SGMS1: variants seen among roughly 807,000 people sequenced by gnomAD.
SGMS1 encodes the protein phosphatidylcholine:ceramide cholinephosphotransferase 1.
A neutral mutation model predicts 46.2 loss-of-function variants in SGMS1; 13 were observed. That is an observed-to-expected ratio of 0.28 (90% CI 0.18 to 0.45). The LOEUF (loss-of-function observed/expected upper bound fraction) is 0.45. Ranked by LOEUF, SGMS1 falls within the 20% of genes least tolerant of loss-of-function variation. The pLI is 1.00. For missense variants in SGMS1, 324 were observed against 519.9 expected, an observed-to-expected ratio of 0.62 and a Z score of 3.66; for synonymous variants, 203 against 187.8, an observed-to-expected ratio of 1.08 and a Z score of -0.66.
intron 2 of SGMS1, among the ~76,000 whole-genome samples, chr10:50,547,489 C>A (rs1838111328): frequency 6.6e-6 from 1 of 152,092 alleles, no homozygotes; most frequent in Non-Finnish European, 1.5e-5. Flanking sequence ...CAAAACTTAA[C>A]CAGGAAGAAA....
chr10:50,403,600 C>T (rs775421364), intron 6 of SGMS1, among the ~76,000 whole-genome samples: 18 of 151,906 alleles, frequency 1.2e-4, no homozygotes, highest in Non-Finnish European at 1.2e-4. Flanking sequence ...TGAGCATTAT[C>T]TACAACTCCT....
chr10:50,399,797 G>A (rs1454927436), intron 6 of SGMS1, among the ~76,000 whole-genome samples: 1 of 152,086 alleles, frequency 6.6e-6, no homozygotes, highest in Non-Finnish European at 1.5e-5. Flanking sequence ...GGGAGGCCGA[G>A]GCAGGCGGAT....
At chr10:50,371,939 C>T (rs1329501107) in intron 6 of SGMS1, among the ~76,000 whole-genome samples, 1 of 152,140 alleles carries the variant, frequency 6.6e-6, no homozygotes, top group African/African-American at 2.4e-5. Flanking sequence ...CCTGTTTGAA[C>T]CACTTCTTAA....
intron 5 of SGMS1, among the ~76,000 whole-genome samples, chr10:50,455,810 G>A (rs775011681): frequency 6.2e-4 from 94 of 152,166 alleles, no homozygotes; most frequent in Non-Finnish European, 9.3e-4. Context: ...CCACATGAAC[G>A]AGAATATAGA....
chr10:50,473,876 A>G (rs1363950147), intron 3 of SGMS1: 1 of 152,254 alleles, frequency 6.6e-6, no homozygotes, highest in African/African-American at 2.4e-5. Context: ...AGAGCCATTC[A>G]GAAGCTGGCC....
At chr10:50,464,891 A>C (rs918082610) in intron 4 of SGMS1, among the ~76,000 whole-genome samples, 3 of 152,206 alleles carry the variant, frequency 2.0e-5, no homozygotes, top group Admixed American at 2.0e-4. Context: ...GGTAGAGCCA[A>C]ACAAACCATC....
chr10:50,484,798 A>T (rs1046223892), intron 3 of SGMS1, among the ~76,000 whole-genome samples: 1 of 152,230 alleles, frequency 6.6e-6, no homozygotes, highest in Non-Finnish European at 1.5e-5. Flanking sequence ...CAAAAACCAC[A>T]TGATTATATC....
intron 5 of SGMS1, among the ~76,000 whole-genome samples, chr10:50,453,831 G>A (rs1287856588): frequency 9.3e-5 from 2 of 21,538 alleles, no homozygotes; most frequent in Non-Finnish European, 2.2e-4. Flanking sequence ...GAGGGAGGGA[G>A]GGGAGAGGAG....
intron 2 of SGMS1, among the ~76,000 whole-genome samples, chr10:50,534,793 G>C (rs1162386407): frequency 1.3e-5 from 2 of 152,106 alleles, no homozygotes; most frequent in Non-Finnish European, 2.9e-5. Context: ...AAAAGAATAG[G>C]CAAAATACAC....
intron 2 of SGMS1, among the ~76,000 whole-genome samples, chr10:50,548,285 G>A (rs1838118323): frequency 6.6e-6 from 1 of 152,162 alleles, no homozygotes; most frequent in Non-Finnish European, 1.5e-5. Context: ...AAGGCTGGAG[G>A]CATCATGCTA....
At chr10:50,443,056 T>C (rs1235880780) in intron 5 of SGMS1, among the ~76,000 whole-genome samples, 1 of 152,198 alleles carries the variant, frequency 6.6e-6, no homozygotes, top group Non-Finnish European at 1.5e-5. Flanking sequence ...AAACAAGCCA[T>C]GTTTATCTCA....
At chr10:50,403,287 C>T (rs1265693260) in intron 6 of SGMS1, among the ~76,000 whole-genome samples, 6 of 152,066 alleles carry the variant, frequency 3.9e-5, no homozygotes, top group Admixed American at 6.5e-5. Flanking sequence ...GTACACGGTT[C>T]GCATGTTCAA....
At chr10:50,593,053 A>C (rs1308472275) in intron 1 of SGMS1, among the ~76,000 whole-genome samples, 1 of 151,242 alleles carries the variant, frequency 6.6e-6, no homozygotes, top group Non-Finnish European at 1.5e-5. Context: ...CAAAGACTCC[A>C]CCTTCCATCT....
intron 6 of SGMS1, among the ~76,000 whole-genome samples, chr10:50,348,299 G>C (rs976517876): frequency 1.3e-5 from 2 of 152,106 alleles, no homozygotes; most frequent in African/African-American, 4.8e-5. Context: ...CATAGTATTG[G>C]AGTCCTATAG....
intron 8 of SGMS1, among the ~76,000 whole-genome samples, chr10:50,314,090 A>G (rs1180345243): frequency 6.6e-6 from 1 of 152,202 alleles, no homozygotes; most frequent in Non-Finnish European, 1.5e-5. Flanking sequence ...AGAGAAATCA[A>G]GTAAAATAAG....
intron 2 of SGMS1, among the ~76,000 whole-genome samples, chr10:50,563,807 A>ATAG (rs1838264367): frequency 6.6e-6 from 1 of 151,604 alleles, no homozygotes; most frequent in Non-Finnish European, 1.5e-5. Context: ...AATCAGTCCC[A>ATAG]TAGTGACTGG....
intron 6 of SGMS1, among the ~76,000 whole-genome samples, chr10:50,352,187 G>T (rs762162488): frequency 5.9e-5 from 9 of 152,132 alleles, no homozygotes; most frequent in Non-Finnish European, 1.3e-4. Context: ...TGAACTGTTG[G>T]ACAGCTATTC....
At chr10:50,374,314 A>C (rs1848490716) in intron 6 of SGMS1, among the ~76,000 whole-genome samples, 1 of 151,198 alleles carries the variant, frequency 6.6e-6, no homozygotes, top group South Asian at 2.1e-4. Flanking sequence ...CTCCAAGCCA[A>C]CTCCTCCTGC....
intron 6 of SGMS1, among the ~76,000 whole-genome samples, chr10:50,372,628 G>A (rs1226148324): frequency 6.6e-6 from 1 of 152,108 alleles, no homozygotes; most frequent in East Asian, 1.9e-4. Flanking sequence ...AGGAGGTGGA[G>A]CTTGCAGTGA....
Sources: allele counts gnomAD v4.1 joint callset (sites outside exome capture counted in the v4.1 genomes callset), GRCh38; gene constraint gnomAD v4.1.1; transcripts MANE v1.5; gene names NCBI Gene and HGNC (gene_info 2026-07-23, HGNC 2026-07-21).